The following KLF15 variants were observed in gnomAD, a reference collection of about 807,000 sequenced individuals.
KLF15 encodes the protein Krueppel-like factor 15.
Under a neutral mutation model 24.6 loss-of-function variants are expected in KLF15, and 4 were observed. That is an observed-to-expected ratio of 0.16 (90% CI 0.08 to 0.37). The LOEUF (loss-of-function observed/expected upper bound fraction) is 0.37, where lower values mean the gene tolerates loss of function less well. KLF15 is among the 10% of genes least tolerant of loss of function. The pLI is 1.00. For synonymous variants in KLF15, 246 were observed against 236.3 expected, an observed-to-expected ratio of 1.04 and a Z score of -0.37; for missense variants, 496 against 560.6, an observed-to-expected ratio of 0.88 and a Z score of 1.16.
In KLF15 at chr3:126,352,010, T is replaced by C. The variant is rs1383822800; in HGVS notation, c.913A>G (p.Met305Val). 1.9e-6 allele frequency: 3 copies of C among 1,559,676 alleles called. No homozygotes were observed. The highest frequency in any genetic ancestry group is 2.7e-5 in the African/African-American group (2 of 73,968). Residue 305 changes from methionine (M) to valine (V), a missense_variant, in exon 2 of 3, where the codon ATG (methionine) becomes GTG (valine). Transcript: ENST00000296233. ...GGGTTCTTGGGGAACTTCTGGCCCA[T>C]GAGGAGACCGGCAGGGCCAGGCCCC... The part of the protein sequence containing the change: ...PLGPGPAGLL[M>V]GQKFPKNPAA...
At chr3:126,320,744 C>T in the KLF15 span, among the ~76,000 whole-genome samples, 1 of 152,160 alleles carries the variant, frequency 6.6e-6, no homozygotes, top group Non-Finnish European at 1.5e-5. Flanking sequence ...CAGAGCTGCC[C>T]TCTGGGGCCA....
chr3:126,308,029 C>T, the KLF15 span, among the ~76,000 whole-genome samples: 1 of 152,204 alleles, frequency 6.6e-6, no homozygotes, highest in African/African-American at 2.4e-5. Context: ...GTCCCAGCTA[C>T]CAAGCTGGGT....
the KLF15 span, among the ~76,000 whole-genome samples, chr3:126,303,359 T>A: frequency 2.0e-5 from 3 of 152,052 alleles, no homozygotes; most frequent in South Asian, 6.2e-4. Context: ...CAGCTATTGT[T>A]GAAAGTTTCT....
the KLF15 span, among the ~76,000 whole-genome samples, chr3:126,293,491 G>A: frequency 1.3e-5 from 2 of 152,192 alleles, no homozygotes; most frequent in African/African-American, 4.8e-5. Context: ...GTCTGTAGGG[G>A]TGAAGCATTT....
chr3:126,339,005 G>A (rs575907848), downstream of KLF15, among the ~76,000 whole-genome samples: 3 of 152,350 alleles, frequency 2.0e-5, no homozygotes, highest in African/African-American at 7.2e-5. Flanking sequence ...TATCAGTGCT[G>A]GGTGTGGATA....
chr3:126,302,434 G>T, the KLF15 span, among the ~76,000 whole-genome samples: 2 of 131,700 alleles, frequency 1.5e-5, no homozygotes, highest in African/African-American at 5.0e-5. Flanking sequence ...TATTGTGGCT[G>T]ATTTTCTGTT....
At chr3:126,299,277 T>A in the KLF15 span, among the ~76,000 whole-genome samples, 1 of 151,964 alleles carries the variant, frequency 6.6e-6, no homozygotes, top group Non-Finnish European at 1.5e-5. Context: ...TAAAAGGAAT[T>A]GAGTTCTTGA....
the KLF15 span, among the ~76,000 whole-genome samples, chr3:126,321,368 G>C: frequency 6.6e-6 from 1 of 152,230 alleles, no homozygotes; most frequent in Non-Finnish European, 1.5e-5. Flanking sequence ...CCATGCTCTA[G>C]TGGCCATGCC....
At chr3:126,327,611 C>A in the KLF15 span, among the ~76,000 whole-genome samples, 145 of 152,302 alleles carry the variant, frequency 9.5e-4, 1 homozygote, top group African/African-American at 3.3e-3. Context: ...TTCCCCCAGC[C>A]TCCCCATCTC....
the KLF15 span, among the ~76,000 whole-genome samples, chr3:126,323,463 C>CATAT: frequency 2.7e-5 from 2 of 75,454 alleles, no homozygotes; most frequent in Non-Finnish European, 4.7e-5. Context: ...ATATATATAA[C>CATAT]ATATATATGT....
chr3:126,337,319 C>G, the KLF15 span, among the ~76,000 whole-genome samples: 5,243 of 137,674 alleles, frequency 0.038, 132 homozygotes, highest in African/African-American at 0.068. Context: ...AGTAAACTAT[C>G]GCAAGAACAA....
intron 2 of KLF15, among the ~76,000 whole-genome samples, chr3:126,347,469 T>C (rs1295150218): frequency 6.6e-6 from 1 of 152,182 alleles, no homozygotes; most frequent in Non-Finnish European, 1.5e-5. Context: ...ACTCCCCTTC[T>C]CTGTCCCCCA....
At chr3:126,303,302 G>A in the KLF15 span, among the ~76,000 whole-genome samples, 2 of 151,814 alleles carry the variant, frequency 1.3e-5, no homozygotes, top group Non-Finnish European at 2.9e-5. Context: ...TCTGCCTGAA[G>A]GACTTCTGGT....
At chr3:126,290,123 T>C in the KLF15 span, among the ~76,000 whole-genome samples, 3 of 152,256 alleles carry the variant, frequency 2.0e-5, no homozygotes, top group Non-Finnish European at 4.4e-5. Flanking sequence ...GCTTCTTGCA[T>C]GACTCCACTT....
At chr3:126,311,901 C>T in the KLF15 span, among the ~76,000 whole-genome samples, 1 of 152,224 alleles carries the variant, frequency 6.6e-6, no homozygotes, top group Non-Finnish European at 1.5e-5. Context: ...ACTGGTCTGA[C>T]CAGTTGGCTA....
intron 1 of KLF15, among the ~76,000 whole-genome samples, chr3:126,355,742 G>C (rs1358706886): frequency 6.6e-6 from 1 of 152,230 alleles, no homozygotes; most frequent in Non-Finnish European, 1.5e-5. Context: ...AAGGTGCGGG[G>C]GAGAGCGGGG....
At chr3:126,340,972 C>T (rs2082475499), downstream of KLF15, among the ~76,000 whole-genome samples, 1 of 152,226 alleles carries the variant, frequency 6.6e-6, no homozygotes, top group Non-Finnish European at 1.5e-5. Context: ...TACCACGTGC[C>T]ACCACGCTGT....
At chr3:126,304,740 A>T in the KLF15 span, among the ~76,000 whole-genome samples, 1 of 152,254 alleles carries the variant, frequency 6.6e-6, no homozygotes, top group South Asian at 2.1e-4. Flanking sequence ...CAGGAAGAAT[A>T]ATTAAGTCTC....
At chr3:126,314,712 C>T in the KLF15 span, among the ~76,000 whole-genome samples, 108 of 152,346 alleles carry the variant, frequency 7.1e-4, no homozygotes, top group East Asian at 5.8e-4. Context: ...AGAACAGAGG[C>T]GAAGTCCAGG....
Sources: gnomAD v4.1 joint callset for allele counts (sites outside exome capture counted in the v4.1 genomes callset) on GRCh38, gnomAD v4.1.1 for gene constraint, MANE v1.5 for transcripts, NCBI Gene and HGNC (gene_info 2026-07-23, HGNC 2026-07-21) for gene names.